ATG4C: variants seen among roughly 807,000 people sequenced by gnomAD.
The protein encoded by ATG4C is autophagy related 4C cysteine peptidase.
ATG4C carries 56 observed loss-of-function variants against 57.6 expected under a neutral mutation model. The ratio of observed to expected loss-of-function variants is 0.97; its 90% CI spans 0.78 to 1.21. ATG4C has a LOEUF of 1.21. ATG4C is among the 50% of genes most tolerant of loss of function. ATG4C has a pLI of 0.00. For synonymous variants in ATG4C, 157 were observed against 174.1 expected (o/e 0.90, Z 0.78); for missense variants, 595 against 529.8 (o/e 1.12, Z -1.21).
intron 1 of ATG4C, among the ~76,000 whole-genome samples, chr1:62,785,540 T>C (rs534562348): frequency 3.3e-5 from 5 of 152,366 alleles, no homozygotes; most frequent in South Asian, 2.1e-4. Flanking sequence ...TATTTCTAGA[T>C]GTTTTGATGG....
At chr1:62,801,137 G>GAGTA (rs1353324760) in intron 1 of ATG4C, among the ~76,000 whole-genome samples, 1 of 152,178 alleles carries the variant, frequency 6.6e-6, no homozygotes, top group Admixed American at 6.5e-5. Context: ...AGAGGAAGCT[G>GAGTA]AGTAAGTAGG....
At chr1:62,818,342 T>A (rs1377897108) in intron 4 of ATG4C, among the ~76,000 whole-genome samples, 6 of 152,168 alleles carry the variant, frequency 3.9e-5, no homozygotes, top group Non-Finnish European at 5.9e-5. Context: ...TGAAGATATC[T>A]TCTTATGAGT....
chr1:62,793,305 T>G lies in ATG4C; in HGVS notation c.-69+9032T>G, dbSNP rs527785296. Among the ~76,000 whole-genome samples the G allele has an allele frequency of 1.9e-3, 282 of 151,874 alleles. 1 individual carries two copies. The highest frequency in any genetic ancestry group is 3.3e-3 in the Non-Finnish European group (222 of 67,948). ...ATTGTGTGAGACAATGGTCAAGAAC[T>G]ACTGTTAATATTAATACTTACTAGT... On this transcript the variant is annotated intron_variant, in intron 1 of 10. Transcript: ENST00000317868.
At chr1:62,828,996 G>T (rs768544717) in intron 6 of ATG4C, 44 bp from the exon 7 acceptor site, 1 of 1,523,304 alleles carries the variant, frequency 6.6e-7, no homozygotes, top group East Asian at 2.4e-5. Flanking sequence ...TCTGAAAATC[G>T]CTTTTATATA....
chr1:62,838,805 G>T (rs1349204431), intron 9 of ATG4C, among the ~76,000 whole-genome samples: 3 of 150,964 alleles, frequency 2.0e-5, no homozygotes, highest in Non-Finnish European at 4.4e-5. Context: ...AAGTTTAAAT[G>T]ATATAAAATG....
intron 1 of ATG4C, among the ~76,000 whole-genome samples, chr1:62,789,352 G>T (rs112407038): frequency 0.011 from 1,639 of 152,140 alleles, 30 homozygotes; most frequent in African/African-American, 0.037. Context: ...CCTTCAAGCT[G>T]GTTCCCATGA....
intron 7 of ATG4C, among the ~76,000 whole-genome samples, chr1:62,830,940 CT>C (rs1276770965): frequency 4.6e-5 from 7 of 152,078 alleles, no homozygotes; most frequent in Non-Finnish European, 8.8e-5. Flanking sequence ...ACTGGATTGT[CT>C]TTATGAAACA....
At chr1:62,784,863 G>T (rs796256944) in intron 1 of ATG4C, among the ~76,000 whole-genome samples, 12 of 152,270 alleles carry the variant, frequency 7.9e-5, no homozygotes, top group African/African-American at 2.6e-4. Context: ...GGCTTTTGAG[G>T]TTGGAGGTGT....
intron 6 of ATG4C, among the ~76,000 whole-genome samples, chr1:62,821,483 A>G (rs1665480870): frequency 6.6e-6 from 1 of 152,140 alleles, no homozygotes; most frequent in African/African-American, 2.4e-5. Flanking sequence ...TAACATAGGT[A>G]TATACTTGGG....
intron 2 of ATG4C, 85 bp downstream of exon 2, chr1:62,803,947 T>A (rs1319516663): frequency 1.3e-6 from 1 of 752,582 alleles, no homozygotes; most frequent in Non-Finnish European, 2.1e-6. Context: ...CACTGACAAT[T>A]TCTTGAGAAT....
intron 1 of ATG4C, among the ~76,000 whole-genome samples, chr1:62,793,598 A>G (rs796603776): frequency 5.8e-4 from 54 of 93,514 alleles, no homozygotes; most frequent in African/African-American, 1.8e-3. Context: ...CCTTGTCTCG[A>G]AAAAAAAAAA....
Position 62,834,102 on chromosome 1 carries a change from T to C in ATG4C, c.998T>C (p.Phe333Ser), listed in dbSNP as rs767637818. The stretch of plus-strand genomic sequence containing the variant: ...GGCAAACCTAAACAGTCATATTACT[T>C]TGCTGGATTTCAAGGTTAGTGATTT... ...IGGKPKQSYYFAGFQDDSLIY... is the reference protein window; with the variant it reads ...IGGKPKQSYYSAGFQDDSLIY... The change falls in exon 8 of 11, where the codon TTT becomes TCT. Residue 333 changes from phenylalanine to serine, a missense_variant. Phe to Ser is a radical substitution (Grantham distance 155). Coordinates refer to ENST00000317868, the MANE Select transcript of ATG4C (RefSeq NM_032852.4). 1.2e-5 allele frequency: 19 copies of C among 1,612,704 alleles called. No individual in the cohort carries two copies. The South Asian group carries it at 2.1e-4, about 18-fold the overall frequency.
chr1:62,859,159 A>G (rs1255337616), intron 10 of ATG4C, among the ~76,000 whole-genome samples: 2 of 152,220 alleles, frequency 1.3e-5, no homozygotes, highest in Non-Finnish European at 2.9e-5. Flanking sequence ...CTGATATGAT[A>G]CTAAAAGGAA....
At chr1:62,799,240 A>G (rs1030829061) in intron 1 of ATG4C, among the ~76,000 whole-genome samples, 3 of 152,212 alleles carry the variant, frequency 2.0e-5, no homozygotes, top group African/African-American at 7.2e-5. Flanking sequence ...TGTTACAGAA[A>G]TAAAGTGGGT....
At chr1:62,845,596 G>A (rs574013472) in intron 10 of ATG4C, among the ~76,000 whole-genome samples, 5 of 151,890 alleles carry the variant, frequency 3.3e-5, no homozygotes, top group Non-Finnish European at 7.4e-5. Context: ...TTTGAATTTT[G>A]TATCAAAGAA....
At chr1:62,784,465 C>T (rs976527437) in intron 1 of ATG4C, among the ~76,000 whole-genome samples, 192 bp downstream of exon 1, 2 of 152,258 alleles carry the variant, frequency 1.3e-5, no homozygotes, top group South Asian at 4.1e-4. Flanking sequence ...AACTCTTCCT[C>T]GCTTTGTCCT....
intron 10 of ATG4C, among the ~76,000 whole-genome samples, chr1:62,850,884 A>G (rs1192334034): frequency 0.091 from 8,554 of 94,036 alleles, 849 homozygotes; most frequent in African/African-American, 0.11. Flanking sequence ...ATATATATAT[A>G]TATATATATA....
intron 9 of ATG4C, among the ~76,000 whole-genome samples, chr1:62,838,001 G>C (rs1329390994): frequency 6.6e-6 from 1 of 152,120 alleles, no homozygotes; most frequent in East Asian, 1.9e-4. Flanking sequence ...CTAATTAACT[G>C]TCTTAGGAAG....
intron 7 of ATG4C, among the ~76,000 whole-genome samples, chr1:62,833,694 GA>G (rs752360130): frequency 5.9e-5 from 9 of 152,206 alleles, no homozygotes; most frequent in Non-Finnish European, 1.0e-4. Flanking sequence ...TGATCACAGT[GA>G]AGCTGCACCA....
Sources: allele counts gnomAD v4.1 joint callset (sites outside exome capture counted in the v4.1 genomes callset), GRCh38; gene constraint gnomAD v4.1.1; transcripts MANE v1.5; gene names NCBI Gene and HGNC (gene_info 2026-07-23, HGNC 2026-07-21).